Variants in FAR1 observed in about 807,000 individuals in gnomAD.
FAR1 encodes male sterility domain-containing protein 2.
A neutral mutation model predicts 61.1 loss-of-function variants in FAR1; 22 were observed. The observed-to-expected ratio is 0.36, with a 90% CI of 0.26 to 0.51. The LOEUF is 0.51. Ranked by LOEUF, FAR1 falls within the 20% of genes least tolerant of loss-of-function variation. FAR1 has a pLI of 0.95. For missense variants in FAR1, 359 were observed against 626.9 expected (o/e 0.57, Z 4.56); for synonymous variants, 206 against 209.7 (o/e 0.98, Z 0.15).
chr11:13,701,721 C>G (rs1318464857), intron 3 of FAR1, among the ~76,000 whole-genome samples: 5 of 151,980 alleles, frequency 3.3e-5, no homozygotes, highest in African/African-American at 1.2e-4. Flanking sequence ...TGTAATAGTT[C>G]CTTAGATCTC....
In FAR1 at chr11:13,729,470, C is replaced by G. The variant is rs1171106460; in HGVS notation, c.*696C>G. On this transcript the variant is annotated 3_prime_UTR_variant, in exon 12 of 12. Transcript: ENST00000354817. Reference sequence around the variant, plus strand: ...TTTGAGAATCCATATCAGCAACATACGTGTTTTTTGACAGAAAGTGAAAAC... The same window carrying G: ...TTTGAGAATCCATATCAGCAACATAGGTGTTTTTTGACAGAAAGTGAAAAC... 1.3e-5 allele frequency: 2 copies of G among 151,856 alleles called. No homozygotes were observed. Among genetic ancestry groups the G allele is most frequent in the South Asian group, 2.1e-4 (1 of 4,830 alleles). 9.4% of individuals were successfully genotyped at this position (151,856 alleles called of 1,614,324 possible). A position where few individuals can be genotyped will look rare whatever the true frequency, so the allele number is the denominator to read the frequency against.
In FAR1 at chr11:13,728,776, G is replaced by T; in HGVS notation, c.*2G>T. ...GCATCCAGCACTATGAGATACTGAA[G>T]ACCAAGGATTCAGCATTAGAACATC... is the stretch of plus-strand genomic sequence containing the variant. On this transcript the variant is annotated 3_prime_UTR_variant, in exon 12 of 12. Transcript: ENST00000354817. 1.2e-6 allele frequency: 2 copies of T among 1,609,552 alleles called. No homozygotes were observed. The highest frequency in any genetic ancestry group is 2.2e-5 in the South Asian group (2 of 90,850).
At chr11:13,725,030 A>G (rs1368846166) in intron 10 of FAR1, among the ~76,000 whole-genome samples, 2 of 152,162 alleles carry the variant, frequency 1.3e-5, no homozygotes, top group South Asian at 2.1e-4. Flanking sequence ...CTAGCACTCA[A>G]TATTAGTTTT....
At chr11:13,695,005 G>A in intron 2 of FAR1, 51 bp downstream of exon 2, 1 of 1,450,298 alleles carries the variant, frequency 6.9e-7, no homozygotes, top group Non-Finnish European at 9.3e-7. Flanking sequence ...GTGTGCTTGT[G>A]TATATAATTA....
chr11:13,723,483 C>T, intron 10 of FAR1: 1 of 345,320 alleles, frequency 2.9e-6, no homozygotes, highest in Admixed American at 4.0e-5. Context: ...TTATTCCTGG[C>T]TCGTCTTCCA....
At chr11:13,691,073 T>A (rs1848244426) in intron 1 of FAR1, among the ~76,000 whole-genome samples, 1 of 152,228 alleles carries the variant, frequency 6.6e-6, no homozygotes, top group South Asian at 2.1e-4. Context: ...AGAAATTTAT[T>A]TCTCACCATT....
chr11:13,682,152 C>G (rs754081330), intron 1 of FAR1, among the ~76,000 whole-genome samples: 1 of 152,182 alleles, frequency 6.6e-6, no homozygotes, highest in Non-Finnish European at 1.5e-5. Context: ...ATTTCTGAAG[C>G]CTGGCATTAA....
rs763681183 is a variant in FAR1 at position 13,700,379 on chromosome 11, C to T, written c.252C>T (p.Ser84=). The T allele has an allele frequency of 1.0e-5, 16 of 1,600,596 alleles. No individual in the cohort carries two copies. In the Middle Eastern group the frequency reaches 9.9e-4, roughly 99 times the overall value. ...GAGAGAAAATTATAGCAATCAACAGCGAACTCACCCAACCTAAACTGGCTC... is the reference window on the plus strand; with the variant it reads ...GAGAGAAAATTATAGCAATCAACAGTGAACTCACCCAACCTAAACTGGCTC... ...DFREKIIAIN[S]ELTQPKLALS... Residue 84 remains serine (S), a synonymous_variant, in exon 3 of 12, where the codon AGC becomes AGT. Transcript: ENST00000354817.
intron 1 of FAR1, among the ~76,000 whole-genome samples, chr11:13,687,120 A>AT (rs1035839587): frequency 1.3e-5 from 2 of 151,968 alleles, no homozygotes; most frequent in Non-Finnish European, 2.9e-5. Flanking sequence ...ATATGTGATA[A>AT]TTTTTTTTAC....
chr11:13,688,153 A>G (rs1848210133), intron 1 of FAR1, among the ~76,000 whole-genome samples: 1 of 152,028 alleles, frequency 6.6e-6, no homozygotes, highest in Non-Finnish European at 1.5e-5. Flanking sequence ...CAATAAGAAA[A>G]TAAAATGAGT....
chr11:13,677,930 T>C (rs1488678092), intron 1 of FAR1, among the ~76,000 whole-genome samples: 2 of 152,224 alleles, frequency 1.3e-5, no homozygotes, highest in Non-Finnish European at 2.9e-5. Flanking sequence ...TCTACAGTTA[T>C]AATAAAATAA....
intron 1 of FAR1, among the ~76,000 whole-genome samples, chr11:13,674,436 G>C (rs1848043459): frequency 6.6e-6 from 1 of 152,128 alleles, no homozygotes. Context: ...CCCTCTATGG[G>C]CTTTAGTTTC....
rs2134189384 is a variant in FAR1, at chr11:13,708,073, C to G, written c.539C>G (p.Ser180Cys). The G allele has an allele frequency of 6.3e-7, 1 of 1,578,736 alleles. No homozygotes were observed. The change falls in exon 4 of 12, where the codon TCT (serine) becomes TGT (cysteine). Residue 180 changes from serine to cysteine, a missense_variant. By Grantham distance (112) the Ser-to-Cys change is moderately radical. Coordinates refer to ENST00000354817, the MANE Select transcript of FAR1 (RefSeq NM_032228.6). ...GTGGATCCCAAGAAGCTGATTGATT[C>G]TTTAGAGTATGTTTGTTTGAAATTT... ...PPVDPKKLID[S>C]LEWMDDGLVN...
chr11:13,700,172 T>C, intron 2 of FAR1, 145 bp from the exon 3 acceptor site: 1 of 599,510 alleles, frequency 1.7e-6, no homozygotes, highest in Middle Eastern at 4.5e-4. Flanking sequence ...TACAGAATAA[T>C]GGCAATTAAG....
At chr11:13,679,693 C>G (rs1047395834) in intron 1 of FAR1, among the ~76,000 whole-genome samples, 4 of 152,116 alleles carry the variant, frequency 2.6e-5, no homozygotes, top group African/African-American at 7.2e-5. Context: ...CTGACATTTC[C>G]TCTCTCATAG....
rs1248608752 is a variant in FAR1 at position 13,731,020 on chromosome 11, A to G, written c.*2246A>G. 1.3e-5 allele frequency: 2 copies of G among 152,178 alleles called. No homozygotes were observed. The highest frequency in any genetic ancestry group is 2.9e-5 in the Non-Finnish European group (2 of 68,004). 9.4% of individuals were successfully genotyped at this position (152,178 alleles called of 1,614,324 possible). A position where few individuals can be genotyped will look rare whatever the true frequency, so the allele number is the denominator to read the frequency against. On this transcript the variant is annotated 3_prime_UTR_variant, in exon 12 of 12. Transcript: ENST00000354817. ...GTGATTTTTAGTTCTGTTTGATTAT[A>G]TTTCCTACACAAACTTCTTATTTAA...
intron 2 of FAR1, among the ~76,000 whole-genome samples, chr11:13,696,106 A>T (rs1482193927): frequency 6.6e-6 from 1 of 152,100 alleles, no homozygotes; most frequent in Non-Finnish European, 1.5e-5. Context: ...AAATGTCTAC[A>T]TGTATGTTTT....
intron 10 of FAR1, among the ~76,000 whole-genome samples, chr11:13,725,120 G>A (rs1035988842): frequency 1.3e-5 from 2 of 152,126 alleles, no homozygotes; most frequent in African/African-American, 4.8e-5. Flanking sequence ...GTTATTTCCA[G>A]TTTCTGGCTA....
At chr11:13,715,406 C>A (rs1848545398) in intron 9 of FAR1, among the ~76,000 whole-genome samples, 1 of 152,078 alleles carries the variant, frequency 6.6e-6, no homozygotes, top group African/African-American at 2.4e-5. Context: ...TTATTATAAG[C>A]TGAAATTAAG....
Sources: allele counts gnomAD v4.1 joint callset (sites outside exome capture counted in the v4.1 genomes callset), GRCh38; gene constraint gnomAD v4.1.1; transcripts MANE v1.5; gene names NCBI Gene and HGNC (gene_info 2026-07-23, HGNC 2026-07-21).